Variants in RNF144A observed in about 807,000 individuals in gnomAD.
The protein encoded by RNF144A is E3 ubiquitin-protein ligase RNF144A.
In RNF144A, 11 loss-of-function variants were observed where a neutral mutation model predicts 38.7. The ratio of observed to expected loss-of-function variants is 0.28; its 90% CI spans 0.18 to 0.47. The LOEUF is 0.47. RNF144A is among the 20% of genes least tolerant of loss of function. The probability of loss-of-function intolerance (pLI) is 0.99; values close to 1 mark genes in which losing one functional copy is unlikely to be tolerated. For missense variants in RNF144A, 316 were observed against 377.2 expected (o/e 0.84, Z 1.34); for synonymous variants, 149 against 143.9 (o/e 1.04, Z -0.25).
Position 6,917,707 on chromosome 2 carries a change from G to C in RNF144A, c.-212+85G>C, listed in dbSNP as rs1402951406. On this transcript the variant is annotated intron_variant, in intron 1 of 8. Coordinates refer to ENST00000320892, the MANE Select transcript of RNF144A (RefSeq NM_014746.6). This position sits in a 1 kb window ranked among gnomAD's most constrained non-coding sequence, Gnocchi z 4.8. ...GGGCGGGACGCGGCGCTGCGCGGCC[G>C]GCCTTGGGGCTCGGGGCTTGCGGCC... 4 of 148,364 alleles carry C rather than the reference G, an allele frequency of 2.7e-5. No homozygotes were observed. The highest frequency in any genetic ancestry group is 2.7e-4 in the Admixed American group (4 of 14,932). 9.2% of individuals were successfully genotyped at this position (148,364 alleles called of 1,614,324 possible). A position where few individuals can be genotyped will look rare whatever the true frequency, so the allele number is the denominator to read the frequency against.
intron 2 of RNF144A, among the ~76,000 whole-genome samples, chr2:6,992,739 C>T (rs1246468662): frequency 2.6e-5 from 4 of 152,164 alleles, no homozygotes; most frequent in Non-Finnish European, 1.5e-5. Flanking sequence ...GGTCAAATAA[C>T]CACCTTGGAC....
At chr2:7,074,227 C>G in the RNF144A span, among the ~76,000 whole-genome samples, 1 of 152,150 alleles carries the variant, frequency 6.6e-6, no homozygotes, top group African/African-American at 2.4e-5. Flanking sequence ...GGCACCAGAG[C>G]TTTCCTCTCA....
intron 3 of RNF144A, among the ~76,000 whole-genome samples, chr2:7,012,321 A>G (rs1670868756): frequency 6.6e-6 from 1 of 152,198 alleles, no homozygotes; most frequent in South Asian, 2.1e-4. Context: ...GCTTTCATAG[A>G]TTACTGTCAC....
At chr2:7,018,186 G>A (rs142254638) in intron 5 of RNF144A, among the ~76,000 whole-genome samples, 50 of 152,332 alleles carry the variant, frequency 3.3e-4, no homozygotes, top group African/African-American at 1.1e-3. Context: ...GGGGACAGCA[G>A]TGAGACGGAA....
chr2:6,980,414 A>G (rs1668560519), intron 2 of RNF144A, among the ~76,000 whole-genome samples: 1 of 152,250 alleles, frequency 6.6e-6, no homozygotes, highest in South Asian at 2.1e-4. Context: ...CATTGAGAAA[A>G]TATTCCCATT....
chr2:6,930,143 T>G (rs1431924843), intron 1 of RNF144A, among the ~76,000 whole-genome samples: 1 of 152,256 alleles, frequency 6.6e-6, no homozygotes, highest in Non-Finnish European at 1.5e-5. Flanking sequence ...CTTCATGTTT[T>G]TTAAAGAATA....
intron 6 of RNF144A, among the ~76,000 whole-genome samples, chr2:7,064,114 TA>T (rs1049765043): frequency 1.1e-4 from 16 of 152,102 alleles, no homozygotes; most frequent in Admixed American, 8.5e-4. Context: ...ATAACAATAT[TA>T]ATTAGTTTAT....
chr2:6,983,457 C>T (rs1298490814), intron 2 of RNF144A, among the ~76,000 whole-genome samples: 3 of 152,194 alleles, frequency 2.0e-5, no homozygotes, highest in African/African-American at 7.2e-5. Flanking sequence ...ACGCCTCTGG[C>T]CATCGTGTAG....
chr2:6,959,797 C>CA lies in RNF144A; in HGVS notation c.-12+18651dup, dbSNP rs397983796. ...ATTTCTTAAAGATCACCACCCCCCC[C>CA]ATACTGTTTCATTGAGGATTAAGTT... On this transcript the variant is annotated intron_variant, in intron 2 of 8. Transcript: ENST00000320892. 5.9e-5 allele frequency among the ~76,000 whole-genome samples: 9 copies of CA among 152,296 alleles called. No individual in the cohort carries two copies. In the South Asian group the frequency reaches 1.7e-3, roughly 28 times the overall value.
chr2:7,041,184 A>G lies in RNF144A; in HGVS notation c.*1424A>G. 1.0e-6 allele frequency: 1 copy of G among 982,724 alleles called. No homozygotes were observed. The allele number at this position is 982,724 out of a possible 1,614,324, so 60.9% of individuals were successfully genotyped here. ...AAAAATCTTGTTAAACATTCTATAA[A>G]GAAGTAAAACAAAATCCTTTTATCT... is the stretch of plus-strand genomic sequence containing the variant. On this transcript the variant is annotated 3_prime_UTR_variant, in exon 9 of 9. Transcript: ENST00000320892.
chr2:6,993,137 C>A (rs1218781760), intron 2 of RNF144A, among the ~76,000 whole-genome samples: 1 of 152,024 alleles, frequency 6.6e-6, no homozygotes, highest in Non-Finnish European at 1.5e-5. Context: ...AATATAGACC[C>A]CTTTTTTTTC....
chr2:6,962,313 A>G lies in RNF144A; in HGVS notation c.-12+21166A>G, dbSNP rs1667397110. ...TATTACTGTACACGTGGTAACAGAA[A>G]AGGGAAGATGGAGCCTCCATGTTGG... On this transcript the variant is annotated intron_variant, in intron 2 of 8. Coordinates refer to ENST00000320892, the MANE Select transcript of RNF144A (RefSeq NM_014746.6). The surrounding 1 kb of genome is among the most constrained non-coding windows in gnomAD (Gnocchi z 4.1). Among the ~76,000 whole-genome samples, 1 of 152,172 alleles carries G rather than the reference A, an allele frequency of 6.6e-6. No individual in the cohort carries two copies. The highest frequency in any genetic ancestry group is 2.4e-5 in the African/African-American group (1 of 41,438).
chr2:7,059,626 C>T (rs1262701404), intron 6 of RNF144A, among the ~76,000 whole-genome samples: 1 of 152,164 alleles, frequency 6.6e-6, no homozygotes, highest in African/African-American at 2.4e-5. Context: ...ACCTTGGGGA[C>T]CAGCTGGAGG....
chr2:6,963,915 G>A (rs1280599353), intron 2 of RNF144A, among the ~76,000 whole-genome samples: 1 of 152,108 alleles, frequency 6.6e-6, no homozygotes, highest in Non-Finnish European at 1.5e-5. Flanking sequence ...AGCTGTGCAG[G>A]GAATGGGTCG....
At chr2:6,957,124 G>T (rs562855846) in intron 2 of RNF144A, among the ~76,000 whole-genome samples, 7 of 152,146 alleles carry the variant, frequency 4.6e-5, no homozygotes, top group Admixed American at 1.3e-4. Context: ...CTCACTGGCT[G>T]TTCCCTCCCC....
chr2:7,037,793 G>T (rs399101), intron 8 of RNF144A, among the ~76,000 whole-genome samples: 1 of 152,058 alleles, frequency 6.6e-6, no homozygotes, highest in Non-Finnish European at 1.5e-5. Context: ...ATAATGGCCC[G>T]TAAAGATCTT....
chr2:7,047,952 C>G (rs963043421), downstream of RNF144A, among the ~76,000 whole-genome samples: 1 of 152,190 alleles, frequency 6.6e-6, no homozygotes, highest in African/African-American at 2.4e-5. Flanking sequence ...GTTCCTCCCA[C>G]CACACATGGC....
At chr2:7,064,562 A>C (rs1228809921) in intron 6 of RNF144A, among the ~76,000 whole-genome samples, 2 of 152,166 alleles carry the variant, frequency 1.3e-5, no homozygotes, top group Non-Finnish European at 2.9e-5. Flanking sequence ...TTCTGTCTCA[A>C]GGCTTTCAGA....
chr2:7,008,586 A>G (rs918417643), intron 3 of RNF144A, among the ~76,000 whole-genome samples: 2 of 152,088 alleles, frequency 1.3e-5, no homozygotes, highest in Admixed American at 6.5e-5. Context: ...CTCCTGGCCT[A>G]CTGCACCCCA....
Sources: allele counts gnomAD v4.1 joint callset (sites outside exome capture counted in the v4.1 genomes callset), GRCh38; gene constraint gnomAD v4.1.1; non-coding constraint Gnocchi (gnomAD v3.1); transcripts MANE v1.5; gene names NCBI Gene and HGNC (gene_info 2026-07-23, HGNC 2026-07-21).